The following ERGIC1 variants were observed in gnomAD, a reference collection of about 807,000 sequenced individuals.
The protein encoded by ERGIC1 is endoplasmic reticulum-golgi intermediate compartment 1, also known as endoplasmic reticulum-Golgi intermediate compartment protein 1.
A neutral mutation model predicts 38.3 loss-of-function variants in ERGIC1; 19 were observed. The ratio of observed to expected loss-of-function variants is 0.50; its 90% CI spans 0.35 to 0.73. The LOEUF (loss-of-function observed/expected upper bound fraction) is 0.73. ERGIC1 is among the 30% of genes least tolerant of loss of function. The pLI, the probability that ERGIC1 is intolerant of heterozygous loss-of-function variation, is 0.01. For synonymous variants in ERGIC1, 124 were observed against 157.6 expected (o/e 0.79, Z 1.60); for missense variants, 294 against 389.2 (o/e 0.76, Z 2.06).
chr5:172,892,265 C>T (rs1162522429), intron 2 of ERGIC1, among the ~76,000 whole-genome samples: 4 of 152,090 alleles, frequency 2.6e-5, no homozygotes, highest in East Asian at 1.9e-4. Context: ...TTGGGCCAGG[C>T]GCCATGCCAA....
At chr5:172,855,809 G>A (rs1761535490) in intron 1 of ERGIC1, among the ~76,000 whole-genome samples, 1 of 152,196 alleles carries the variant, frequency 6.6e-6, no homozygotes, top group Admixed American at 6.5e-5. Context: ...CCTTGTGTTG[G>A]GGAGCCAGGT....
intron 1 of ERGIC1, among the ~76,000 whole-genome samples, chr5:172,880,764 G>A (rs1355930412): frequency 1.3e-5 from 2 of 152,246 alleles, no homozygotes; most frequent in African/African-American, 2.4e-5. Context: ...AGAGCTGACC[G>A]TGAGGAGCGT....
intron 5 of ERGIC1, chr5:172,917,712 C>T (rs1448324119): frequency 1.3e-5 from 2 of 152,310 alleles, no homozygotes; most frequent in East Asian, 3.9e-4. Context: ...TAAACTCGAT[C>T]TAAAGTTTAG....
intron 1 of ERGIC1, among the ~76,000 whole-genome samples, chr5:172,843,825 C>T (rs1490080383): frequency 6.6e-6 from 1 of 152,362 alleles, no homozygotes; most frequent in South Asian, 2.1e-4. Flanking sequence ...CAGGACAAGA[C>T]ACTTTGCCTC....
At chr5:172,880,436 C>T (rs181249976) in intron 1 of ERGIC1, among the ~76,000 whole-genome samples, 2 of 152,228 alleles carry the variant, frequency 1.3e-5, no homozygotes, top group East Asian at 3.9e-4. Context: ...AGCAATCCTC[C>T]CACCTCAGCC....
At chr5:172,903,733 C>A (rs1762944797) in intron 3 of ERGIC1, among the ~76,000 whole-genome samples, 1 of 152,066 alleles carries the variant, frequency 6.6e-6, no homozygotes, top group South Asian at 2.1e-4. Context: ...CCCATAGCAA[C>A]CCCTATGATT....
chr5:172,909,256 G>C (rs2113378398), intron 3 of ERGIC1, among the ~76,000 whole-genome samples: 1 of 142,696 alleles, frequency 7.0e-6, no homozygotes, highest in South Asian at 2.2e-4. Context: ...TGCAACCTCA[G>C]CCTCCTGGGT....
chr5:172,896,337 G>A (rs1461069925), intron 2 of ERGIC1, among the ~76,000 whole-genome samples: 1 of 152,096 alleles, frequency 6.6e-6, no homozygotes, highest in East Asian at 1.9e-4. Flanking sequence ...AGTCTCAAAA[G>A]TAAAGAAATA....
In ERGIC1 at chr5:172,846,792, G is replaced by T. The variant is rs933328340; in HGVS notation, c.20+12359G>T. Among the ~76,000 whole-genome samples, 4 of 152,182 alleles carry T rather than the reference G, an allele frequency of 2.6e-5. No homozygotes were observed. The highest frequency in any genetic ancestry group is 1.5e-5 in the Non-Finnish European group (1 of 68,020). On this transcript the variant is annotated intron_variant, in intron 1 of 9. Transcript: ENST00000393784. This position sits in a 1 kb window ranked among gnomAD's most constrained non-coding sequence, Gnocchi z 4.0. ...CTGGAGCTCATTGCTGTGGATTCAG[G>T]ATGTGACTCTTGACTGCCGTGAGGA...
At chr5:172,853,094 T>C (rs1761453406) in intron 1 of ERGIC1, among the ~76,000 whole-genome samples, 1 of 146,790 alleles carries the variant, frequency 6.8e-6, no homozygotes, top group Non-Finnish European at 1.5e-5. Context: ...TGTGCAAATG[T>C]GTGAAACTGT....
chr5:172,935,164 T>C (rs945157864), intron 8 of ERGIC1, 24 bp from the exon 9 acceptor site: 1 of 1,613,870 alleles, frequency 6.2e-7, no homozygotes, highest in African/African-American at 1.3e-5. Flanking sequence ...TTTGTACTTC[T>C]GATTCTTATA....
intron 8 of ERGIC1, 95 bp downstream of exon 8, chr5:172,932,631 C>T: frequency 7.8e-7 from 1 of 1,279,974 alleles, no homozygotes; most frequent in Non-Finnish European, 1.1e-6. Context: ...GCACTTTCTT[C>T]TGATTCCTTT....
intron 1 of ERGIC1, among the ~76,000 whole-genome samples, chr5:172,854,957 A>G (rs1009707776): frequency 1.3e-5 from 2 of 152,304 alleles, no homozygotes; most frequent in Non-Finnish European, 2.9e-5. Flanking sequence ...ATGGTTTCCA[A>G]GAACCTACCA....
chr5:172,881,304 G>A (rs902927609), intron 1 of ERGIC1, among the ~76,000 whole-genome samples: 3 of 152,038 alleles, frequency 2.0e-5, no homozygotes, highest in African/African-American at 7.2e-5. Context: ...TAGAGAAAAC[G>A]GTACAGGGAC....
chr5:172,839,600 C>CACACAT (rs568628576), intron 1 of ERGIC1, among the ~76,000 whole-genome samples: 9 of 151,646 alleles, frequency 5.9e-5, no homozygotes, highest in African/African-American at 2.0e-4. Context: ...CACACATACA[C>CACACAT]ACACATACAC....
At chr5:172,903,806 A>C (rs1285624587) in intron 3 of ERGIC1, among the ~76,000 whole-genome samples, 1 of 151,768 alleles carries the variant, frequency 6.6e-6, no homozygotes, top group Non-Finnish European at 1.5e-5. Context: ...TCAATCAGCC[A>C]AGAGGTGGCA....
chr5:172,851,424 G>A (rs538225340), intron 1 of ERGIC1, among the ~76,000 whole-genome samples: 1 of 151,158 alleles, frequency 6.6e-6, no homozygotes, highest in Admixed American at 6.6e-5. Context: ...CAGGAGATTC[G>A]CTTCAACCCC....
intron 3 of ERGIC1, among the ~76,000 whole-genome samples, chr5:172,903,243 T>C (rs1254742650): frequency 6.6e-6 from 1 of 152,122 alleles, no homozygotes; most frequent in East Asian, 1.9e-4. Context: ...CCTGGGGGTG[T>C]TGACGGGAGT....
chr5:172,878,627 A>T (rs1762205475), intron 1 of ERGIC1, among the ~76,000 whole-genome samples: 1 of 152,140 alleles, frequency 6.6e-6, no homozygotes, highest in Non-Finnish European at 1.5e-5. Context: ...GGCTGGAGAC[A>T]GAGATGGACC....
Sources: allele counts gnomAD v4.1 joint callset (sites outside exome capture counted in the v4.1 genomes callset), GRCh38; gene constraint gnomAD v4.1.1; non-coding constraint Gnocchi (gnomAD v3.1); transcripts MANE v1.5; gene names NCBI Gene and HGNC (gene_info 2026-07-23, HGNC 2026-07-21).